Variants in LRRIQ1 observed in about 807,000 individuals in gnomAD.
The protein encoded by LRRIQ1 is leucine-rich repeat- and IQ domain-containing protein 1.
A neutral mutation model predicts 211.9 loss-of-function variants in LRRIQ1; 210 were observed. That is an observed-to-expected ratio of 0.99 (90% CI 0.89 to 1.11). LRRIQ1 has a LOEUF of 1.11. Among genes scored for constraint, LRRIQ1 ranks in the 50% most tolerant of loss-of-function variants. The pLI is 0.00. For missense variants in LRRIQ1, 2,136 were observed against 1,939.5 expected, an observed-to-expected ratio of 1.10 and a Z score of -1.90; for synonymous variants, 699 against 650.1, an observed-to-expected ratio of 1.08 and a Z score of -1.14.
chr12:85,196,136 T>C (rs940312860), intron 24 of LRRIQ1, among the ~76,000 whole-genome samples: 4 of 152,088 alleles, frequency 2.6e-5, no homozygotes, highest in Non-Finnish European at 5.9e-5. Flanking sequence ...GAAGGACCTT[T>C]TCAAGGAGAA....
intron 1 of LRRIQ1, among the ~76,000 whole-genome samples, chr12:85,260,269 AT>A: frequency 6.6e-6 from 1 of 152,112 alleles, no homozygotes; most frequent in Non-Finnish European, 1.5e-5. Context: ...CTGAGATTCA[AT>A]TCATACACTG....
chr12:85,222,485 G>A (rs1346310903), intron 24 of LRRIQ1, among the ~76,000 whole-genome samples: 1 of 152,132 alleles, frequency 6.6e-6, no homozygotes, highest in East Asian at 1.9e-4. Context: ...TAATACTATA[G>A]AGAAGTCAGT....
intron 26 of LRRIQ1, among the ~76,000 whole-genome samples, chr12:85,233,576 A>G (rs1191741255): frequency 1.3e-5 from 2 of 152,168 alleles, no homozygotes; most frequent in Non-Finnish European, 2.9e-5. Flanking sequence ...CTTGAATGAA[A>G]TGAGTATTAT....
At chr12:85,077,466 T>C (rs185116798) in intron 11 of LRRIQ1, among the ~76,000 whole-genome samples, 9 of 152,342 alleles carry the variant, frequency 5.9e-5, no homozygotes, top group Admixed American at 3.3e-4. Context: ...TTGAAAAGGC[T>C]CTTTAATATT....
intron 13 of LRRIQ1, among the ~76,000 whole-genome samples, chr12:85,100,523 T>G (rs934057532): frequency 6.6e-6 from 1 of 151,736 alleles, no homozygotes; most frequent in Non-Finnish European, 1.5e-5. Flanking sequence ...GATAAAAAAA[T>G]GAGTAATGTA....
chr12:85,150,425 C>T (rs1037387502), intron 19 of LRRIQ1, among the ~76,000 whole-genome samples: 1 of 151,688 alleles, frequency 6.6e-6, no homozygotes, highest in Non-Finnish European at 1.5e-5. Context: ...CCATCCCCAC[C>T]TTATTTTAAC....
chr12:85,113,172 A>G (rs1460685828), intron 15 of LRRIQ1, among the ~76,000 whole-genome samples: 1 of 152,184 alleles, frequency 6.6e-6, no homozygotes, highest in Non-Finnish European at 1.5e-5. Context: ...GCAATTTTAA[A>G]GAGAACAGAA....
intron 24 of LRRIQ1, among the ~76,000 whole-genome samples, chr12:85,169,049 T>G (rs1182895420): frequency 6.6e-6 from 1 of 152,200 alleles, no homozygotes; most frequent in African/African-American, 2.4e-5. Context: ...AATAGCCTCC[T>G]TAGTGTTGCT....
chr12:85,143,351 T>C (rs915456203), intron 19 of LRRIQ1, among the ~76,000 whole-genome samples: 1 of 151,762 alleles, frequency 6.6e-6, no homozygotes, highest in South Asian at 2.1e-4. Flanking sequence ...ATATTTTGGA[T>C]ATTAACCTCT....
At chr12:85,208,611 T>A (rs1028471413) in intron 24 of LRRIQ1, among the ~76,000 whole-genome samples, 10 of 152,050 alleles carry the variant, frequency 6.6e-5, no homozygotes, top group African/African-American at 2.4e-4. Flanking sequence ...GATTTGATAA[T>A]GTAATTAAGC....
At chr12:85,195,641 A>T (rs1892861715) in intron 24 of LRRIQ1, among the ~76,000 whole-genome samples, 2 of 151,102 alleles carry the variant, frequency 1.3e-5, no homozygotes, top group Admixed American at 6.6e-5. Context: ...CATGCTAAAA[A>T]CTCTCAATAA....
chr12:85,134,450 T>A (rs1237038733), intron 18 of LRRIQ1, among the ~76,000 whole-genome samples: 1 of 152,072 alleles, frequency 6.6e-6, no homozygotes, highest in African/African-American at 2.4e-5. Context: ...AGTCCATGCT[T>A]AGAGATTTTT....
intron 19 of LRRIQ1, among the ~76,000 whole-genome samples, chr12:85,144,125 C>T (rs1889729409): frequency 6.6e-6 from 1 of 151,548 alleles, no homozygotes; most frequent in South Asian, 2.1e-4. Flanking sequence ...TCCATGTGTA[C>T]TCATTGTTTA....
intron 18 of LRRIQ1, among the ~76,000 whole-genome samples, chr12:85,130,059 T>G (rs1355074079): frequency 1.3e-5 from 2 of 152,168 alleles, no homozygotes; most frequent in Non-Finnish European, 2.9e-5. Context: ...AAAAATGGCC[T>G]TAAAATTCAG....
intron 24 of LRRIQ1, among the ~76,000 whole-genome samples, chr12:85,174,915 G>GA (rs1213114946): frequency 1.3e-5 from 2 of 151,802 alleles, no homozygotes; most frequent in East Asian, 3.9e-4. Context: ...TAAAACCAAG[G>GA]ACAATGAAAC....
intron 3 of LRRIQ1, among the ~76,000 whole-genome samples, chr12:85,043,858 C>A (rs1479968910): frequency 6.6e-6 from 1 of 152,078 alleles, no homozygotes; most frequent in Non-Finnish European, 1.5e-5. Flanking sequence ...CAACTCCAAG[C>A]TCCTTCTACC....
chr12:85,117,848 G>A (rs1207271701), intron 15 of LRRIQ1, among the ~76,000 whole-genome samples: 2 of 152,084 alleles, frequency 1.3e-5, no homozygotes, highest in East Asian at 1.9e-4. Flanking sequence ...AACTAAGTAA[G>A]TTATTTTGGC....
chr12:85,197,928 T>G (rs1476769069), intron 24 of LRRIQ1, among the ~76,000 whole-genome samples: 20 of 111,166 alleles, frequency 1.8e-4, no homozygotes, highest in Non-Finnish European at 3.2e-4. Context: ...ATATATATAA[T>G]ATAATTATAT....
At chr12:85,187,263 T>G (rs1175793500) in intron 24 of LRRIQ1, among the ~76,000 whole-genome samples, 5 of 152,168 alleles carry the variant, frequency 3.3e-5, no homozygotes, top group Non-Finnish European at 7.3e-5. Flanking sequence ...AAAGCTAGGA[T>G]CAAGATAATG....
Sources: allele counts gnomAD v4.1 joint callset (sites outside exome capture counted in the v4.1 genomes callset), GRCh38; gene constraint gnomAD v4.1.1; transcripts MANE v1.5; gene names NCBI Gene and HGNC (gene_info 2026-07-23, HGNC 2026-07-21).